SLC44A1: variants seen among roughly 807,000 people sequenced by gnomAD.
The protein encoded by SLC44A1 is solute carrier family 44 member 1, also known as choline transporter-like protein 1.
Under a neutral mutation model 79.3 loss-of-function variants are expected in SLC44A1, and 26 were observed. The ratio of observed to expected loss-of-function variants is 0.33; its 90% confidence interval spans 0.24 to 0.46. The LOEUF (loss-of-function observed/expected upper bound fraction) is 0.46, where lower values mean the gene tolerates loss of function less well. SLC44A1 is among the 20% of genes least tolerant of loss of function. The pLI, the probability that SLC44A1 is intolerant of heterozygous loss-of-function variation, is 1.00. For missense variants in SLC44A1, 688 were observed against 798.1 expected (o/e 0.86, Z 1.66); for synonymous variants, 263 against 286.2 (o/e 0.92, Z 0.82).
rs1202454996 is a variant in SLC44A1, at chr9:105,374,664, A to T, written c.1561A>T (p.Ile521Phe). The change falls in exon 13 of 16, where the codon ATT becomes TTT. Residue 521 changes from isoleucine (I) to phenylalanine (F), a missense_variant. Transcript: ENST00000374720. ...CACCTCAGCAAAGGATGCCTTTGTC[A>T]TTCTGGTGGAGAATGCTTTGCGAGT... is the stretch of plus-strand genomic sequence containing the variant. ...FCTSAKDAFV[I>F]LVENALRVAT... is the part of the protein sequence containing the mutation. The T allele has an allele frequency of 6.2e-7, 1 of 1,613,766 alleles. No homozygotes were observed. The highest frequency in any genetic ancestry group is 1.1e-5 in the South Asian group (1 of 91,074).
rs916051154 is a variant in SLC44A1, at chr9:105,386,001, C to G, written c.1950+499C>G. The G allele has an allele frequency of 4.1e-6, 4 of 985,152 alleles. No homozygotes were observed. In the African/African-American group the frequency reaches 5.2e-5, roughly 13 times the overall value. 61.0% of individuals were successfully genotyped at this position (985,152 alleles called of 1,614,324 possible). ...CTTGGCTGACTTTTTCTTCTGTTGC[C>G]TAGGTTGTACTTTCTTTGTTTCTTA... On this transcript the variant is annotated intron_variant, in intron 15 of 15. Coordinates refer to ENST00000374720, the MANE Select transcript of SLC44A1 (RefSeq NM_080546.5).
intron 7 of SLC44A1, among the ~76,000 whole-genome samples, 161 bp downstream of exon 7, chr9:105,358,594 C>T (rs2131403681): frequency 1.3e-5 from 2 of 152,180 alleles, no homozygotes; most frequent in Admixed American, 1.3e-4. Flanking sequence ...TTTGCCCCTC[C>T]CCTCATTTCA....
chr9:105,415,276 T>C (rs1378233012), intron 15 of SLC44A1, among the ~76,000 whole-genome samples: 5 of 152,102 alleles, frequency 3.3e-5, no homozygotes, highest in African/African-American at 9.7e-5. Context: ...GGCATCACAA[T>C]AGGGGGTGCA....
intron 13 of SLC44A1, among the ~76,000 whole-genome samples, chr9:105,380,957 T>C (rs973497559): frequency 1.3e-5 from 2 of 152,238 alleles, no homozygotes; most frequent in African/African-American, 4.8e-5. Context: ...TCTTTCATTA[T>C]ATTTGGGAAT....
chr9:105,389,020 CTT>C lies in SLC44A1; in HGVS notation c.1951-11_1951-10del. 6.2e-7 allele frequency: 1 copy of C among 1,607,290 alleles called. No homozygotes were observed. ...TTGTCTAAGATTATACTCTGTATGA[CTT>C]TGTTTTCTAGGCTTCGGGAGCAAGT... On this transcript the variant is annotated splice_polypyrimidine_tract_variant and intron_variant, in intron 15 of 15. Coordinates refer to ENST00000374720, the MANE Select transcript of SLC44A1 (RefSeq NM_080546.5).
At chr9:105,346,537 T>A (rs1332235800) in intron 4 of SLC44A1, among the ~76,000 whole-genome samples, 1 of 152,124 alleles carries the variant, frequency 6.6e-6, no homozygotes, top group Non-Finnish European at 1.5e-5. Context: ...TCACATTGGG[T>A]CCTCTGCACT....
chr9:105,320,455 T>C (rs761924737), intron 3 of SLC44A1, among the ~76,000 whole-genome samples: 1 of 152,190 alleles, frequency 6.6e-6, no homozygotes, highest in Non-Finnish European at 1.5e-5. Context: ...TATCAAGCTG[T>C]TTCCCAAAGT....
chr9:105,385,535 A>G lies in SLC44A1; in HGVS notation c.1950+33A>G, dbSNP rs753249070. On this transcript the variant is annotated intron_variant, in intron 15 of 15. Transcript: ENST00000374720. ...GAGATGAGGAGGTGGCCGCCCTCCA[A>G]GAATTTCACTTTCACTTCCTCTCTC... 8 of 1,554,906 alleles carry G rather than the reference A, an allele frequency of 5.1e-6. No individual in the cohort carries two copies. The South Asian group carries it at 9.5e-5, about 18-fold the overall frequency.
intron 1 of SLC44A1, among the ~76,000 whole-genome samples, chr9:105,254,001 G>A (rs764642886): frequency 5.9e-5 from 9 of 152,092 alleles, no homozygotes; most frequent in South Asian, 2.1e-4. Flanking sequence ...GATTATAGGC[G>A]TGAGCCACTG....
intron 1 of SLC44A1, among the ~76,000 whole-genome samples, chr9:105,267,741 T>G (rs1829993919): frequency 1.3e-5 from 2 of 152,230 alleles, no homozygotes. Flanking sequence ...AAAGATTCCT[T>G]AACTGTCTGG....
At chr9:105,261,775 C>CTTTTTT (rs35530318) in intron 1 of SLC44A1, among the ~76,000 whole-genome samples, 5 of 111,684 alleles carry the variant, frequency 4.5e-5, no homozygotes, top group Non-Finnish European at 8.8e-5. Context: ...CTCTCTCTCT[C>CTTTTTT]TTTTTTTTTT....
chr9:105,372,565 C>A (rs544418845), intron 12 of SLC44A1, among the ~76,000 whole-genome samples: 4 of 151,616 alleles, frequency 2.6e-5, no homozygotes, highest in Non-Finnish European at 5.9e-5. Context: ...GCTGGGATTA[C>A]AAGCGTGAGC....
At chr9:105,423,526 T>G (rs1829282540) in intron 15 of SLC44A1, among the ~76,000 whole-genome samples, 1 of 152,198 alleles carries the variant, frequency 6.6e-6, no homozygotes, top group Admixed American at 6.5e-5. Flanking sequence ...AATTCTGTGT[T>G]TAGAAATTAA....
intron 1 of SLC44A1, among the ~76,000 whole-genome samples, chr9:105,258,438 T>C (rs978769786): frequency 1.3e-5 from 2 of 152,214 alleles, no homozygotes; most frequent in African/African-American, 4.8e-5. Flanking sequence ...TTTATTCTCA[T>C]AACTCTGAGG....
chr9:105,373,860 A>T (rs1828193404), intron 12 of SLC44A1, among the ~76,000 whole-genome samples: 1 of 152,196 alleles, frequency 6.6e-6, no homozygotes, highest in South Asian at 2.1e-4. Context: ...CCCAGGGAAC[A>T]TCACTTTTGC....
intron 15 of SLC44A1, among the ~76,000 whole-genome samples, chr9:105,423,844 A>G (rs1285055266): frequency 2.0e-5 from 3 of 152,218 alleles, no homozygotes; most frequent in Admixed American, 6.5e-5. Flanking sequence ...GATGTCATCA[A>G]GCCTAAAAGC....
chr9:105,432,163 C>G (rs1445709866), intron 15 of SLC44A1, among the ~76,000 whole-genome samples: 1 of 152,214 alleles, frequency 6.6e-6, no homozygotes, highest in Non-Finnish European at 1.5e-5. Context: ...CTCAAGTGAT[C>G]TGCCCACCTC....
At chr9:105,348,170 A>G (rs1419394693) in intron 4 of SLC44A1, among the ~76,000 whole-genome samples, 188 bp from the exon 5 acceptor site, 1 of 152,162 alleles carries the variant, frequency 6.6e-6, no homozygotes, top group African/African-American at 2.4e-5. Context: ...CATGAATTAC[A>G]TTAATAGTAA....
At chr9:105,374,471 C>G (rs947347149) in intron 12 of SLC44A1, 127 bp from the exon 13 acceptor site, 1 of 773,816 alleles carries the variant, frequency 1.3e-6, no homozygotes, top group Non-Finnish European at 2.1e-6. Flanking sequence ...CGATCTGTAC[C>G]TCATTAAAGG....
Sources: allele counts gnomAD v4.1 joint callset (sites outside exome capture counted in the v4.1 genomes callset), GRCh38; gene constraint gnomAD v4.1.1; transcripts MANE v1.5; gene names NCBI Gene and HGNC (gene_info 2026-07-23, HGNC 2026-07-21).